The following MEIG1 variants were observed in gnomAD, a reference collection of about 807,000 sequenced individuals.
The protein encoded by MEIG1 is meiosis expressed gene 1 protein homolog.
A neutral mutation model predicts 11.3 loss-of-function variants in MEIG1; 12 were observed. That is an observed-to-expected ratio of 1.07 (90% confidence interval 0.68 to 1.73). MEIG1 has a LOEUF of 1.73. MEIG1 is among the 40% of genes most tolerant of loss of function. MEIG1 has a pLI of 0.00. For missense variants in MEIG1, 119 were observed against 104.9 expected (o/e 1.13, Z -0.59); for synonymous variants, 41 against 33.2 (o/e 1.24, Z -0.81).
chr10:14,971,318 G>T (rs575822183), intron 2 of MEIG1, among the ~76,000 whole-genome samples: 2 of 151,122 alleles, frequency 1.3e-5, no homozygotes, highest in Non-Finnish European at 2.9e-5. Context: ...ACTGCTTTAG[G>T]CCAGGAGTTT....
chr10:14,973,578 G>A (rs1161749070), downstream of MEIG1, among the ~76,000 whole-genome samples: 1 of 152,016 alleles, frequency 6.6e-6, no homozygotes, highest in East Asian at 1.9e-4. Flanking sequence ...GACCATCCTG[G>A]CTAGCAGGGT....
intron 2 of MEIG1, among the ~76,000 whole-genome samples, chr10:14,967,424 G>T (rs569732617): frequency 7.2e-5 from 11 of 152,134 alleles, no homozygotes; most frequent in African/African-American, 2.4e-4. Context: ...CTTTATGAAG[G>T]CTAGACCAAA....
upstream of MEIG1, among the ~76,000 whole-genome samples, chr10:14,955,155 C>T (rs1398484530): frequency 6.6e-6 from 1 of 152,178 alleles, no homozygotes; most frequent in Non-Finnish European, 1.5e-5. Context: ...TGGTCTCGAG[C>T]TCCTGGCCTC....
intron 2 of MEIG1, among the ~76,000 whole-genome samples, chr10:14,966,807 C>T (rs1843089780): frequency 6.6e-6 from 1 of 152,136 alleles, no homozygotes; most frequent in Non-Finnish European, 1.5e-5. Context: ...GTGACGCAAT[C>T]TCGGCACACT....
downstream of MEIG1, among the ~76,000 whole-genome samples, chr10:14,973,310 T>C (rs1041676220): frequency 3.9e-5 from 6 of 152,196 alleles, no homozygotes; most frequent in African/African-American, 1.2e-4. Flanking sequence ...ATTTATGTCT[T>C]TACTAGAACA....
At chr10:14,978,765 T>G (rs1347266933) in intron 1 of MEIG1, among the ~76,000 whole-genome samples, 1 of 152,040 alleles carries the variant, frequency 6.6e-6, no homozygotes, top group African/African-American at 2.4e-5. Context: ...CCTGTGATAT[T>G]ATTCGTAATA....
At chr10:14,974,496 T>C (rs1345122170), downstream of MEIG1, among the ~76,000 whole-genome samples, 2 of 152,104 alleles carry the variant, frequency 1.3e-5, no homozygotes, top group East Asian at 3.9e-4. Context: ...TCCTCCTCTA[T>C]CCCAGTATAC....
At chr10:14,962,763 T>G (rs10906783) in intron 1 of MEIG1, among the ~76,000 whole-genome samples, 95,065 of 146,964 alleles carry the variant, frequency 0.65, 30,102 homozygotes, top group Admixed American at 0.71. Flanking sequence ...TAATTTGGAA[T>G]TTTTTTTTTT....
chr10:14,969,114 G>T (rs1843121230), intron 2 of MEIG1, among the ~76,000 whole-genome samples: 1 of 151,992 alleles, frequency 6.6e-6, no homozygotes, highest in Admixed American at 6.6e-5. Flanking sequence ...TTCATACCCT[G>T]CCTTAAGATT....
At chr10:14,966,822 C>T (rs1361447111) in intron 2 of MEIG1, among the ~76,000 whole-genome samples, 3 of 152,164 alleles carry the variant, frequency 2.0e-5, no homozygotes, top group Non-Finnish European at 4.4e-5. Flanking sequence ...CACACTCCAC[C>T]TCCCGGATTC....
Position 14,972,638 on chromosome 10 carries a change from C to T in MEIG1, c.264C>T (p.Tyr88=), listed in dbSNP as rs753875425. 2.1e-5 allele frequency: 33 copies of T among 1,601,970 alleles called. No individual in the cohort carries two copies. The South Asian group carries it at 3.6e-4, about 17-fold the overall frequency. The change falls in exon 3 of 3, where the codon TAC becomes TAT. Residue 88 remains tyrosine (Y), a synonymous_variant. Transcript: ENST00000407572. The part of the protein sequence containing the change: ...KEVHKVKIYA[Y] ...TCCACAAAGTGAAAATTTATGCTTA[C>T]TAGCCTGTCTTCTTTGTATTACTTG... is the stretch of plus-strand genomic sequence containing the variant.
At chr10:14,961,745 G>T (rs1427859572) in intron 1 of MEIG1, among the ~76,000 whole-genome samples, 5 of 149,754 alleles carry the variant, frequency 3.3e-5, no homozygotes, top group African/African-American at 4.9e-5. Flanking sequence ...CTCCCAAAGT[G>T]CTGGGATTAC....
At chr10:14,958,844 C>G (rs1443640690), upstream of MEIG1, among the ~76,000 whole-genome samples, 2 of 151,692 alleles carry the variant, frequency 1.3e-5, no homozygotes, top group African/African-American at 4.8e-5. Flanking sequence ...TGCAGTGAGC[C>G]GAGATAGCAC....
At chr10:14,970,815 T>C (rs1436198461) in intron 2 of MEIG1, among the ~76,000 whole-genome samples, 1 of 152,146 alleles carries the variant, frequency 6.6e-6, no homozygotes, top group Non-Finnish European at 1.5e-5. Flanking sequence ...ACTACCTGTA[T>C]AGAAGGTGTT....
chr10:14,964,636 C>T (rs377468340), intron 1 of MEIG1, among the ~76,000 whole-genome samples: 275 of 49,138 alleles, frequency 5.6e-3, no homozygotes, highest in Middle Eastern at 0.024. Flanking sequence ...TATATGTATA[C>T]TTTTTTTTTT....
chr10:14,959,226 C>G (rs1842981941), upstream of MEIG1, among the ~76,000 whole-genome samples: 1 of 152,196 alleles, frequency 6.6e-6, no homozygotes. Flanking sequence ...AGGGGTGAGC[C>G]CTGGCAGCGC....
At chr10:14,977,801 A>G (rs532470844), downstream of MEIG1, among the ~76,000 whole-genome samples, 11 of 152,034 alleles carry the variant, frequency 7.2e-5, no homozygotes, top group African/African-American at 2.4e-4. Flanking sequence ...GTGGGTGTAC[A>G]CCATGTGTGT....
At chr10:14,973,265 A>G (rs1843172650), downstream of MEIG1, among the ~76,000 whole-genome samples, 1 of 152,140 alleles carries the variant, frequency 6.6e-6, no homozygotes, top group South Asian at 2.1e-4. Context: ...CTTATAGCAG[A>G]TAGTCTTAGT....
chr10:14,964,585 G>GTGTGTATATA (rs1378376059), intron 1 of MEIG1, among the ~76,000 whole-genome samples: 17 of 93,036 alleles, frequency 1.8e-4, no homozygotes, highest in African/African-American at 6.3e-4. Flanking sequence ...GTGTGTGTGT[G>GTGTGTATATA]TATATATATA....
Sources: allele counts gnomAD v4.1 joint callset (sites outside exome capture counted in the v4.1 genomes callset), GRCh38; gene constraint gnomAD v4.1.1; transcripts MANE v1.5; gene names NCBI Gene and HGNC (gene_info 2026-07-23, HGNC 2026-07-21).